EYS: variants seen among roughly 807,000 people sequenced by gnomAD.
EYS encodes EGF-like photoreceptor maintenance factor, also known as protein eyes shut homolog.
In EYS, 250 loss-of-function variants were observed where a neutral mutation model predicts 282.1. The observed-to-expected ratio is 0.89, with a 90% CI of 0.80 to 0.98. The LOEUF (loss-of-function observed/expected upper bound fraction) is 0.98. Ranked by LOEUF, EYS falls within the 50% of genes least tolerant of loss-of-function variation. The probability of loss-of-function intolerance (pLI) is 0.00; values close to 1 mark genes in which losing one functional copy is unlikely to be tolerated. For synonymous variants in EYS, 1,355 were observed against 1,282.9 expected (o/e 1.06, Z -1.20); for missense variants, 4,016 against 3,709.0 (o/e 1.08, Z -2.15).
intron 5 of EYS, among the ~76,000 whole-genome samples, chr6:65,429,302 C>T (rs1767786698): frequency 6.6e-6 from 1 of 152,140 alleles, no homozygotes; most frequent in South Asian, 2.1e-4. Context: ...TTAATAATCA[C>T]TAATCCTCAA....
Position 63,908,012 on chromosome 6 carries a change from G to GTGTATATATATA in EYS, c.7056-43655_7056-43654insTATATATATACA, listed in dbSNP as rs1491193336. Among the ~76,000 whole-genome samples, 439 of 131,158 alleles carry GTGTATATATATA rather than the reference G, an allele frequency of 3.3e-3. 1 individual carries two copies. Among genetic ancestry groups the GTGTATATATATA allele is most frequent in the African/African-American group, 5.9e-3 (206 of 34,718 alleles). The allele number at this position is 131,158 out of a possible 152,430, so 86.0% of individuals were successfully genotyped here. A position where few individuals can be genotyped will look rare whatever the true frequency, so the allele number is the denominator to read the frequency against. On this transcript the variant is annotated intron_variant, in intron 35 of 42. Transcript: ENST00000503581. ...TACACACACACACACACACACAAAC[G>GTGTATATATATA]TATATATATATATATATATACGTTT...
intron 35 of EYS, among the ~76,000 whole-genome samples, chr6:63,957,112 G>T (rs34986024): frequency 0.013 from 1,804 of 142,458 alleles, 244 homozygotes; most frequent in Non-Finnish European, 0.023. Context: ...ACTCATGCCC[G>T]GATGAAGCTT....
At chr6:63,900,910 C>G (rs76318727) in intron 35 of EYS, among the ~76,000 whole-genome samples, 2 of 151,902 alleles carry the variant, frequency 1.3e-5, no homozygotes, top group African/African-American at 2.4e-5. Flanking sequence ...AAACAACAAC[C>G]GTGAGGTGGA....
At chr6:65,117,124 C>T (rs1296349935) in intron 12 of EYS, among the ~76,000 whole-genome samples, 1 of 152,184 alleles carries the variant, frequency 6.6e-6, no homozygotes, top group Non-Finnish European at 1.5e-5. Context: ...GTTCTCTTCT[C>T]CAGCCCAAAG....
At chr6:64,640,489 T>A (rs947644602) in intron 22 of EYS, among the ~76,000 whole-genome samples, 35 of 151,618 alleles carry the variant, frequency 2.3e-4, no homozygotes, top group Middle Eastern at 6.8e-3. Context: ...AAACACCACA[T>A]GTTCTCACTC....
rs192561205 is a variant in EYS, at chr6:64,345,929, C to A, written c.6079-38847G>T. Among the ~76,000 whole-genome samples the A allele has an allele frequency of 3.9e-3, 588 of 152,192 alleles. 4 individuals are homozygous for A. Among genetic ancestry groups the A allele is most frequent in the African/African-American group, 0.013 (554 of 41,540 alleles). Reference sequence around the variant, plus strand: ...CACTTCTCAAAAGAAGACATTTATGCAGCCAAAAAACACATGAAAAAATGC... The same window carrying A: ...CACTTCTCAAAAGAAGACATTTATGAAGCCAAAAAACACATGAAAAAATGC... On this transcript the variant is annotated intron_variant, in intron 29 of 42. Transcript: ENST00000503581.
chr6:64,660,961 G>A (rs1768990669), intron 22 of EYS, among the ~76,000 whole-genome samples: 2 of 152,134 alleles, frequency 1.3e-5, no homozygotes, highest in Non-Finnish European at 2.9e-5. Flanking sequence ...CAAAGCTGGA[G>A]GCATCACACT....
intron 22 of EYS, among the ~76,000 whole-genome samples, chr6:64,704,533 A>C (rs1276257008): frequency 2.4e-5 from 2 of 82,960 alleles, no homozygotes; most frequent in Non-Finnish European, 5.0e-5. Context: ...AATACTTATA[A>C]TAATATTATA....
intron 13 of EYS, among the ~76,000 whole-genome samples, chr6:65,007,760 A>G (rs1184601056): frequency 6.6e-6 from 1 of 152,112 alleles, no homozygotes; most frequent in Non-Finnish European, 1.5e-5. Context: ...GGAGGAGGAG[A>G]ATTCGGCCCA....
intron 22 of EYS, among the ~76,000 whole-genome samples, chr6:64,784,202 T>A (rs1167503679): frequency 6.6e-6 from 1 of 152,100 alleles, no homozygotes; most frequent in Non-Finnish European, 1.5e-5. Context: ...TTTTCTTTTT[T>A]GTTTCTGTAA....
rs1361351132 is a variant in EYS at position 65,494,933 on chromosome 6, G to A, written c.478C>T (p.Pro160Ser). The change falls in exon 4 of 43, where the codon CCA (proline) becomes TCA (serine). Residue 160 changes from proline (P) to serine (S), a missense_variant. By Grantham distance (74) the Pro-to-Ser change is moderately conservative. Coordinates refer to ENST00000503581, the MANE Select transcript of EYS (RefSeq NM_001142800.2). ...TVMASGPSPC[P>S]LGLRLNVTVK... The stretch of plus-strand genomic sequence containing the variant: ...GTCACATTTAGTCGAAGTCCCAGTG[G>A]ACAAGGTGATGGACCACTTGCCATA... The A allele has an allele frequency of 1.2e-6, 2 of 1,614,010 alleles. No individual in the cohort carries two copies. Among genetic ancestry groups the A allele is most frequent in the Non-Finnish European group, 1.7e-6 (2 of 1,180,028 alleles).
At chr6:64,471,414 A>G (rs76421908) in intron 26 of EYS, among the ~76,000 whole-genome samples, 7,884 of 152,212 alleles carry the variant, frequency 0.052, 683 homozygotes, top group African/African-American at 0.18. Context: ...CAAAATCAAT[A>G]TACAAAAATC....
chr6:65,307,957 C>T (rs1163496543), intron 11 of EYS, among the ~76,000 whole-genome samples: 1 of 150,364 alleles, frequency 6.7e-6, no homozygotes, highest in Admixed American at 6.7e-5. Context: ...GAATAAAGAG[C>T]CTTTTATTTT....
chr6:65,698,262 A>G (rs1430269502), intron 1 of EYS, among the ~76,000 whole-genome samples: 1 of 152,136 alleles, frequency 6.6e-6, no homozygotes, highest in Non-Finnish European at 1.5e-5. Context: ...TTTATTGCTT[A>G]ATTGAGAAGC....
At chr6:64,326,367 G>GTTTGGGTCACAAGACCAATAAA (rs1412060747) in intron 29 of EYS, among the ~76,000 whole-genome samples, 2 of 151,986 alleles carry the variant, frequency 1.3e-5, no homozygotes, top group Non-Finnish European at 2.9e-5. Context: ...AGACCAATAA[G>GTTTGGGTCACAAGACCAATAAA]TTTAGGTCGC....
intron 31 of EYS, among the ~76,000 whole-genome samples, chr6:64,173,395 C>T (rs1002343593): frequency 6.6e-6 from 1 of 152,128 alleles, no homozygotes; most frequent in African/African-American, 2.4e-5. Context: ...CTTGCCCTAT[C>T]GTAGTGACCT....
intron 36 of EYS, among the ~76,000 whole-genome samples, chr6:63,819,194 T>G (rs1016240181): frequency 6.6e-6 from 1 of 152,200 alleles, no homozygotes; most frequent in Admixed American, 6.5e-5. Context: ...AATAAATGAA[T>G]GCATGACTCT....
At chr6:64,455,815 C>T (rs373685884) in intron 26 of EYS, among the ~76,000 whole-genome samples, 7 of 152,100 alleles carry the variant, frequency 4.6e-5, no homozygotes, top group African/African-American at 1.4e-4. Context: ...TACCCTTTAA[C>T]TCATTAAAAA....
chr6:64,905,871 G>GA (rs997686388), intron 16 of EYS, among the ~76,000 whole-genome samples: 7 of 151,460 alleles, frequency 4.6e-5, no homozygotes, highest in East Asian at 1.9e-4. Context: ...TGTAAATAGG[G>GA]AAAAAAACTA....
Sources: gnomAD v4.1 joint callset for allele counts (sites outside exome capture counted in the v4.1 genomes callset) on GRCh38, gnomAD v4.1.1 for gene constraint, MANE v1.5 for transcripts, NCBI Gene and HGNC (gene_info 2026-07-23, HGNC 2026-07-21) for gene names.